SMARCA4: variants seen among roughly 807,000 people sequenced by gnomAD.
The protein encoded by SMARCA4 is SWI/SNF-related matrix-associated actin-dependent regulator of chromatin subfamily A member 4.
Under a neutral mutation model 193.9 loss-of-function variants are expected in SMARCA4, and 31 were observed. The observed-to-expected ratio is 0.16, with a 90% CI of 0.12 to 0.22. The LOEUF is 0.22. Among genes scored for constraint, SMARCA4 ranks in the 10% least tolerant of loss-of-function variants. The pLI is 1.00. For synonymous variants in SMARCA4, 942 were observed against 933.1 expected (o/e 1.01, Z -0.17); for missense variants, 1,148 against 2,296.0 (o/e 0.50, Z 10.22).
At chr19:10,963,384 A>AAG in intron 1 of SMARCA4, among the ~76,000 whole-genome samples, 1 of 151,226 alleles carries the variant, frequency 6.6e-6, no homozygotes, top group Non-Finnish European at 1.5e-5. Flanking sequence ...AAAAAAAAAA[A>AAG]AAAAAAAGAA....
At chr19:11,001,922 T>C (rs2087676104) in intron 11 of SMARCA4, among the ~76,000 whole-genome samples, 1 of 152,232 alleles carries the variant, frequency 6.6e-6, no homozygotes, top group African/African-American at 2.4e-5. Flanking sequence ...AGAGGAATTA[T>C]TTTTGAAATA....
intron 1 of SMARCA4, among the ~76,000 whole-genome samples, chr19:10,963,767 ATT>A (rs61382773): frequency 3.5e-5 from 5 of 141,070 alleles, no homozygotes; most frequent in East Asian, 2.1e-4. Context: ...TGAACACTTG[ATT>A]TTTTTTTTTT....
chr19:11,045,944 C>T (rs1205793971), intron 30 of SMARCA4, among the ~76,000 whole-genome samples: 1 of 151,964 alleles, frequency 6.6e-6, no homozygotes, highest in Non-Finnish European at 1.5e-5. Flanking sequence ...AAAAAAAAGT[C>T]TGGGTGTGGT....
Position 11,030,989 on chromosome 19 carries a change from C to T in SMARCA4, c.3546+96C>T. The T allele has an allele frequency of 8.5e-7, 1 of 1,181,430 alleles. No individual in the cohort carries two copies. The highest frequency in any genetic ancestry group is 1.2e-6 in the Non-Finnish European group (1 of 819,192). The allele number at this position is 1,181,430 out of a possible 1,614,324, so 73.2% of individuals were successfully genotyped here. A position where few individuals can be genotyped will look rare whatever the true frequency, so the allele number is the denominator to read the frequency against. ...TGGCTTGAGGGTCCTCCAGCCTCCTCCACATTGTCTTGGACCCCAGGAGCC... is the reference window on the plus strand; with the variant it reads ...TGGCTTGAGGGTCCTCCAGCCTCCTTCACATTGTCTTGGACCCCAGGAGCC... On this transcript the variant is annotated intron_variant, in intron 25 of 34. Coordinates refer to ENST00000344626, the MANE Select transcript of SMARCA4 (RefSeq NM_003072.5). This position sits in a 1 kb window ranked among gnomAD's most constrained non-coding sequence, Gnocchi z 5.5.
chr19:10,981,715 C>T (rs1271579277), intron 1 of SMARCA4, among the ~76,000 whole-genome samples: 1 of 152,182 alleles, frequency 6.6e-6, no homozygotes, highest in Non-Finnish European at 1.5e-5. Flanking sequence ...GTGTCTCACA[C>T]CTGTAATTCC....
intron 1 of SMARCA4, among the ~76,000 whole-genome samples, chr19:10,974,372 T>G (rs1396762657): frequency 6.6e-6 from 1 of 152,098 alleles, no homozygotes; most frequent in East Asian, 1.9e-4. Flanking sequence ...CTCACATCCT[T>G]TGATCTTTCT....
At chr19:11,020,117 T>A (rs1175207144) in intron 18 of SMARCA4, among the ~76,000 whole-genome samples, 1 of 152,170 alleles carries the variant, frequency 6.6e-6, no homozygotes, top group Non-Finnish European at 1.5e-5. Flanking sequence ...GGGCTGAGAT[T>A]CAGCATGTGG....
Position 11,025,531 on chromosome 19 carries a change from G to A in SMARCA4, c.3168+23G>A, listed in dbSNP as rs376674261. The A allele has an allele frequency of 3.0e-5, 47 of 1,585,680 alleles. 1 individual carries two copies. The highest frequency in any genetic ancestry group is 5.5e-5 in the South Asian group (5 of 90,544). On this transcript the variant is annotated intron_variant, in intron 22 of 34. Transcript: ENST00000344626. ...GAGGTGAGCCCGCCGCGGCTGGGAC[G>A]GCTCAGGCCCTGCTGTCTGCTGAGC...
chr19:10,985,311 C>T lies in SMARCA4; in HGVS notation c.261C>T (p.Asp87=), dbSNP rs2145749616. Residue 87 remains aspartate (D), a synonymous_variant, in exon 3 of 35, where the codon GAC becomes GAT. Coordinates refer to ENST00000344626, the MANE Select transcript of SMARCA4 (RefSeq NM_003072.5). The surrounding 1 kb of genome is among the most constrained non-coding windows in gnomAD (Gnocchi z 4.5). ...TGCATGAGAAGGGCATGTCGGACGA[C>T]CCGCGCTACAACCAGATGAAAGGAA... is the stretch of plus-strand genomic sequence containing the variant. ...ESMHEKGMSD[D]PRYNQMKGMG... 2.5e-6 allele frequency: 4 copies of T among 1,614,056 alleles called. No individual in the cohort carries two copies. The highest frequency in any genetic ancestry group is 3.4e-6 in the Non-Finnish European group (4 of 1,180,010).
At chr19:11,061,204 A>AAAAATATAT (rs1555797070) in intron 34 of SMARCA4, among the ~76,000 whole-genome samples, 3 of 45,218 alleles carry the variant, frequency 6.6e-5, no homozygotes, top group African/African-American at 3.4e-4. Context: ...AAAAAAAAAA[A>AAAAATATAT]ATATATATAT....
intron 19 of SMARCA4, among the ~76,000 whole-genome samples, chr19:11,023,145 C>A (rs944955475): frequency 6.6e-6 from 1 of 152,210 alleles, no homozygotes; most frequent in Admixed American, 6.5e-5. Context: ...AGCCTGGCCC[C>A]TGCAGCGCTC....
rs1006149812 is a variant in SMARCA4, at chr19:10,984,605, C to A, written c.222+232C>A. 6.6e-6 allele frequency among the ~76,000 whole-genome samples: 1 copy of A among 152,270 alleles called. No individual in the cohort carries two copies. The highest frequency in any genetic ancestry group is 1.5e-5 in the Non-Finnish European group (1 of 68,046). ...TGGGCCCCGCGGGCACCTGCCCCAC[C>A]GTTTCCCGCTCCCTTGCTTTCTGCA... On this transcript the variant is annotated intron_variant, in intron 2 of 34. Coordinates refer to ENST00000344626, the MANE Select transcript of SMARCA4 (RefSeq NM_003072.5). This position sits in a 1 kb window ranked among gnomAD's most constrained non-coding sequence, Gnocchi z 4.3.
chr19:10,989,240 G>C (rs2145843135), intron 6 of SMARCA4, 77 bp from the exon 7 acceptor site: 1 of 1,576,734 alleles, frequency 6.3e-7, no homozygotes, highest in Non-Finnish European at 8.7e-7. Context: ...TCGAGGGATG[G>C]GTCCCCTGCA....
rs1343719999 is a variant in SMARCA4 at position 10,986,914 on chromosome 19, G to A, written c.770G>A (p.Gly257Glu). 1 of 1,611,978 alleles carries A rather than the reference G, an allele frequency of 6.2e-7. No homozygotes were observed. Among genetic ancestry groups the A allele is most frequent in the Non-Finnish European group, 8.5e-7 (1 of 1,178,992 alleles). ...TTCTCCCTACATGTAGGTATGGGAGGGCCCAACATGCCTCCCCCAGGACCC... is the reference window on the plus strand; with the variant it reads ...TTCTCCCTACATGTAGGTATGGGAGAGCCCAACATGCCTCCCCCAGGACCC... ...PNYSRPHGMG[G>E]PNMPPPGPSG... The change falls in exon 5 of 35, where the codon GGG (glycine) becomes GAG (glutamate). Residue 257 changes from glycine (G) to glutamate (E), a missense_variant. Coordinates refer to ENST00000344626, the MANE Select transcript of SMARCA4 (RefSeq NM_003072.5). The surrounding 1 kb of genome is among the most constrained non-coding windows in gnomAD (Gnocchi z 6.7).
chr19:10,965,857 G>A (rs1223557916), intron 1 of SMARCA4, among the ~76,000 whole-genome samples: 1 of 151,876 alleles, frequency 6.6e-6, no homozygotes, highest in African/African-American at 2.4e-5. Flanking sequence ...TAATCTTATG[G>A]GACTATTGTA....
At chr19:11,039,716 A>G in intron 29 of SMARCA4, 1 of 402,218 alleles carries the variant, frequency 2.5e-6, no homozygotes, top group Non-Finnish European at 4.4e-6. Context: ...CAGGAGGCTA[A>G]GATGGGAAGA....
chr19:11,021,987 C>T lies in SMARCA4; in HGVS notation c.2859+20C>T, dbSNP rs1489434785. 1 of 1,611,428 alleles carries T rather than the reference C, an allele frequency of 6.2e-7. No homozygotes were observed. The highest frequency in any genetic ancestry group is 2.2e-5 in the East Asian group (1 of 44,884). ...GAAAAGGTGGGTTTGCCCAGCTGTG[C>T]CCATGCTGACGGTTCCAGGTGCGGC... On this transcript the variant is annotated intron_variant, in intron 19 of 34. Coordinates refer to ENST00000344626, the MANE Select transcript of SMARCA4 (RefSeq NM_003072.5).
At chr19:11,003,994 G>A (rs1304567687) in intron 13 of SMARCA4, among the ~76,000 whole-genome samples, 1 of 151,694 alleles carries the variant, frequency 6.6e-6, no homozygotes, top group Admixed American at 6.6e-5. Flanking sequence ...TTACAGACAT[G>A]AACCTCCACG....
At position 10,987,586 on chromosome 19, in the gene SMARCA4, C is replaced by T. The variant is rs2086166957; in HGVS notation, c.860-80C>T. 11 of 1,541,070 alleles carry T rather than the reference C, an allele frequency of 7.1e-6. No homozygotes were observed. Among genetic ancestry groups the T allele is most frequent in the Middle Eastern group, 1.7e-4 (1 of 5,912 alleles). ...GTCTGCCTGTCCCCAGTGCCTCAAG[C>T]AGCTCAGCAGCTTTCCATTTCCAGC... On this transcript the variant is annotated intron_variant, in intron 5 of 34. Coordinates refer to ENST00000344626, the MANE Select transcript of SMARCA4 (RefSeq NM_003072.5). The surrounding 1 kb of genome is among the most constrained non-coding windows in gnomAD (Gnocchi z 5.3).
Sources: gnomAD v4.1 joint callset for allele counts (sites outside exome capture counted in the v4.1 genomes callset) on GRCh38, gnomAD v4.1.1 for gene constraint, Gnocchi (gnomAD v3.1) non-coding constraint, MANE v1.5 for transcripts, NCBI Gene and HGNC (gene_info 2026-07-23, HGNC 2026-07-21) for gene names.